The following SPG7 variants were observed in gnomAD, a reference collection of about 807,000 sequenced individuals.
SPG7 encodes mitochondrial inner membrane m-AAA protease component paraplegin.
Under a neutral mutation model 81.9 loss-of-function variants are expected in SPG7, and 103 were observed. The ratio of observed to expected loss-of-function variants is 1.26; its 90% CI spans 1.07 to 1.48. The LOEUF is 1.48. Ranked by LOEUF, SPG7 falls within the 40% of genes most tolerant of loss-of-function variation. The pLI is 0.00. For synonymous variants in SPG7, 534 were observed against 444.2 expected (o/e 1.20, Z -2.54); for missense variants, 1,241 against 1,087.3 (o/e 1.14, Z -1.99).
intron 16 of SPG7, chr16:89,556,326 A>T (rs2058687327): frequency 2.7e-6 from 1 of 368,832 alleles, no homozygotes; most frequent in East Asian, 4.0e-5. Flanking sequence ...ACAACAAAAA[A>T]TCTGGAAGAG....
chr16:89,546,229 G>C, intron 10 of SPG7: 2 of 314,160 alleles, frequency 6.4e-6, no homozygotes, highest in Non-Finnish European at 1.2e-5. Context: ...TGGGATTACA[G>C]GCACCCGCCG....
At chr16:89,550,298 A>G (rs1465904213) in intron 12 of SPG7, 196 bp from the exon 13 acceptor site, 9 of 555,368 alleles carry the variant, frequency 1.6e-5, no homozygotes, top group Non-Finnish European at 2.7e-5. Flanking sequence ...TCAGCCTCCC[A>G]AGTAGCTGGG....
At chr16:89,526,308 C>G in intron 4 of SPG7, 21 bp from the exon 5 acceptor site, 3 of 1,613,772 alleles carry the variant, frequency 1.9e-6, no homozygotes, top group Non-Finnish European at 2.5e-6. Flanking sequence ...CTCATGGTCC[C>G]CTCTCCTTTC....
intron 7 of SPG7, 91 bp from the exon 8 acceptor site, chr16:89,531,813 C>T: frequency 1.5e-6 from 2 of 1,369,946 alleles, no homozygotes; most frequent in Non-Finnish European, 2.1e-6. Flanking sequence ...CACTGCACTC[C>T]AGCCTGCGTG....
At chr16:89,521,784 TAAAA>T (rs971578054) in intron 3 of SPG7, 4 of 150,516 alleles carry the variant, frequency 2.7e-5, no homozygotes, top group Admixed American at 6.6e-5. Flanking sequence ...TCAACAAAAA[TAAAA>T]AAGAAAAGAA....
At position 89,553,137 on chromosome 16, in the gene SPG7, T is replaced by A. The variant is rs1567933730; in HGVS notation, c.1936+2T>A. On this transcript the variant is annotated splice_donor_variant, in intron 14 of 16. Transcript: ENST00000645818. LOFTEE classifies it high-confidence loss of function. ...TGTCCTTCAACGAGGTCACTTCTGG[T>A]GAGGAGCAGCGGCGCGGGCCCTGGA... 1 of 1,603,772 alleles carries A rather than the reference T, an allele frequency of 6.2e-7. No homozygotes were observed. The highest frequency in any genetic ancestry group is 8.5e-7 in the Non-Finnish European group (1 of 1,175,238).
chr16:89,544,898 G>A, intron 10 of SPG7, 126 bp downstream of exon 10: 1 of 1,191,344 alleles, frequency 8.4e-7, no homozygotes, highest in African/African-American at 1.5e-5. Flanking sequence ...GGTGCTGGCA[G>A]TGTCCAGCGT....
In SPG7 at chr16:89,526,477, G is replaced by C. The variant is rs1263353769; in HGVS notation, c.758+9G>C. 4 of 1,613,984 alleles carry C rather than the reference G, an allele frequency of 2.5e-6. No homozygotes were observed. Among genetic ancestry groups the C allele is most frequent in the Non-Finnish European group, 3.4e-6 (4 of 1,180,010 alleles). On this transcript the variant is annotated intron_variant, in intron 5 of 16. Coordinates refer to ENST00000645818, the MANE Select transcript of SPG7 (RefSeq NM_003119.4). ...ACAGGATTCTTTGGAAAGTATGTTG[G>C]ATGTATTTGTTGATGCTTGAACTAA...
At chr16:89,536,893 G>A (rs911596533) in intron 9 of SPG7, 2 of 1,614,028 alleles carry the variant, frequency 1.2e-6, no homozygotes, top group African/African-American at 1.3e-5. Flanking sequence ...GCTCTGCTGG[G>A]GTTGCCTTTT....
intron 3 of SPG7, chr16:89,519,444 G>T (rs1000956995): frequency 6.6e-6 from 1 of 151,612 alleles, no homozygotes; most frequent in South Asian, 2.1e-4. Flanking sequence ...GCAGTGGCGC[G>T]ATCTCAGCTC....
At chr16:89,541,392 A>G (rs1467538851) in intron 9 of SPG7, 1 of 923,460 alleles carries the variant, frequency 1.1e-6, no homozygotes, top group Non-Finnish European at 1.3e-6. Context: ...CTTGTACGAA[A>G]TTGTCAAAAT....
chr16:89,510,371 A>G, intron 1 of SPG7, 119 bp from the exon 2 acceptor site: 2 of 682,754 alleles, frequency 2.9e-6, no homozygotes, highest in Non-Finnish European at 5.2e-6. Context: ...ATTTCAGGGC[A>G]ATGTAGATAT....
At position 89,553,698 on chromosome 16, in the gene SPG7, G is replaced by A. The variant is rs758520015; in HGVS notation, c.1937-96G>A. ...TCCTCGGGAGGAAGGGGATGGAGGT[G>A]GTGCTGCCTCAGTGCTCTGACCGGG... On this transcript the variant is annotated intron_variant, in intron 14 of 16. Coordinates refer to ENST00000645818, the MANE Select transcript of SPG7 (RefSeq NM_003119.4). 44 of 1,222,520 alleles carry A rather than the reference G, an allele frequency of 3.6e-5. No homozygotes were observed. The Middle Eastern group carries it at 1.9e-3, about 53-fold the overall frequency. 75.7% of individuals were successfully genotyped at this position (1,222,520 alleles called of 1,614,324 possible). A position where few individuals can be genotyped will look rare whatever the true frequency, so the allele number is the denominator to read the frequency against.
intron 16 of SPG7, 109 bp from the exon 17 acceptor site, chr16:89,556,778 G>T (rs1037998473): frequency 1.1e-6 from 1 of 882,600 alleles, no homozygotes; most frequent in South Asian, 1.3e-5. Flanking sequence ...GGCCTGTCCT[G>T]GGTGTCCTGC....
chr16:89,552,805 G>A, intron 13 of SPG7, 174 bp from the exon 14 acceptor site: 1 of 667,496 alleles, frequency 1.5e-6, no homozygotes, highest in Non-Finnish European at 2.7e-6. Flanking sequence ...GAACGCTGCT[G>A]TCTCTGGGCT....
At chr16:89,523,231 G>A (rs1597619503) in intron 3 of SPG7, 1 of 188,926 alleles carries the variant, frequency 5.3e-6, no homozygotes, top group Admixed American at 5.4e-5. Flanking sequence ...TGGAGTATAT[G>A]CCTTTAGACT....
At chr16:89,547,644 A>T in intron 11 of SPG7, 1 of 338,690 alleles carries the variant, frequency 3.0e-6, no homozygotes, top group Non-Finnish European at 5.7e-6. Flanking sequence ...ACAGAGTCCT[A>T]CTCTGTCGCC....
chr16:89,533,766 G>A (rs1348054323), intron 9 of SPG7: 1 of 152,088 alleles, frequency 6.6e-6, no homozygotes, highest in Admixed American at 6.6e-5. Flanking sequence ...CCCAATAAAG[G>A]TGACATGGAA....
chr16:89,554,638 C>T (rs748302992), intron 16 of SPG7, 75 bp downstream of exon 16: 27 of 983,912 alleles, frequency 2.7e-5, no homozygotes, highest in Admixed American at 3.8e-5. Context: ...CCACCCCTCT[C>T]GTGAAGTATT....
Sources: allele counts gnomAD v4.1 joint callset, GRCh38; gene constraint gnomAD v4.1.1; transcripts MANE v1.5; gene names NCBI Gene and HGNC (gene_info 2026-07-23, HGNC 2026-07-21).